Variants in PHACTR1 observed in about 807,000 individuals in gnomAD.
The protein encoded by PHACTR1 is phosphatase and actin regulator 1.
PHACTR1 carries 16 observed loss-of-function variants against 69.2 expected under a neutral mutation model. The observed-to-expected ratio is 0.23, with a 90% CI of 0.16 to 0.35. The LOEUF is 0.35. Among genes scored for constraint, PHACTR1 ranks in the 10% least tolerant of loss-of-function variants. The probability of loss-of-function intolerance (pLI) is 1.00; values close to 1 mark genes in which losing one functional copy is unlikely to be tolerated. For synonymous variants in PHACTR1, 312 were observed against 284.5 expected (o/e 1.10, Z -0.97); for missense variants, 510 against 734.7 (o/e 0.69, Z 3.54).
intron 8 of PHACTR1, among the ~76,000 whole-genome samples, chr6:13,219,937 C>T (rs1036156813): frequency 5.9e-5 from 9 of 152,252 alleles, no homozygotes; most frequent in African/African-American, 9.6e-5. Context: ...GGTGGGAAGA[C>T]CTGAGTTCAC....
chr6:12,774,431 G>C (rs1008234018), intron 4 of PHACTR1, among the ~76,000 whole-genome samples: 4 of 152,042 alleles, frequency 2.6e-5, no homozygotes, highest in Non-Finnish European at 5.9e-5. Flanking sequence ...CGCCCTTGTT[G>C]CCCAGGCTGG....
intron 14 of PHACTR1, 47 bp downstream of exon 14, chr6:13,286,269 A>G (rs1164847649): frequency 6.2e-6 from 9 of 1,448,348 alleles, no homozygotes; most frequent in South Asian, 2.6e-5. Context: ...TCAAGTTGCA[A>G]TATTTATCTC....
chr6:12,792,391 G>A (rs1447318125), intron 4 of PHACTR1, among the ~76,000 whole-genome samples: 1 of 149,176 alleles, frequency 6.7e-6, no homozygotes, highest in Non-Finnish European at 1.5e-5. Context: ...TTGAACCCGG[G>A]AGGCGGAGGT....
intron 7 of PHACTR1, among the ~76,000 whole-genome samples, chr6:13,189,991 G>A (rs1004459138): frequency 1.3e-5 from 2 of 150,538 alleles, no homozygotes; most frequent in African/African-American, 4.9e-5. Flanking sequence ...ACATAACAGG[G>A]AGAGAGAAAG....
chr6:12,820,714 T>A (rs1776108589), intron 4 of PHACTR1, among the ~76,000 whole-genome samples: 1 of 152,130 alleles, frequency 6.6e-6, no homozygotes, highest in Admixed American at 6.5e-5. Flanking sequence ...TAATTGGAAA[T>A]CAAAGCATGA....
intron 4 of PHACTR1, among the ~76,000 whole-genome samples, chr6:12,996,603 A>G (rs1356236697): frequency 3.3e-5 from 5 of 152,226 alleles, no homozygotes; most frequent in Non-Finnish European, 7.3e-5. Context: ...ACATTTAAGA[A>G]GGGTTACTCT....
At chr6:12,909,932 C>T (rs1786191752) in intron 4 of PHACTR1, among the ~76,000 whole-genome samples, 1 of 152,256 alleles carries the variant, frequency 6.6e-6, no homozygotes, top group Non-Finnish European at 1.5e-5. Context: ...CTCTCCAAGC[C>T]CCACATTCGA....
At chr6:12,822,338 C>T (rs1776317763) in intron 4 of PHACTR1, among the ~76,000 whole-genome samples, 1 of 152,176 alleles carries the variant, frequency 6.6e-6, no homozygotes, top group African/African-American at 2.4e-5. Flanking sequence ...TGACAACGGA[C>T]TTCTAAGAAC....
intron 4 of PHACTR1, among the ~76,000 whole-genome samples, chr6:13,000,489 A>G (rs1797938203): frequency 6.6e-6 from 1 of 152,096 alleles, no homozygotes; most frequent in African/African-American, 2.4e-5. Context: ...TCCAGGCTGC[A>G]GTGAGACATG....
chr6:12,717,827 T>C (rs991206767), intron 2 of PHACTR1, 84 bp downstream of exon 2: 6 of 152,198 alleles, frequency 3.9e-5, no homozygotes, highest in African/African-American at 1.2e-4. Flanking sequence ...TTAAAATACA[T>C]ACTGTTAGAA....
At chr6:12,749,868 C>G in intron 4 of PHACTR1, 78 bp downstream of exon 4, 1 of 1,346,816 alleles carries the variant, frequency 7.4e-7, no homozygotes, top group Non-Finnish European at 9.8e-7. Flanking sequence ...CCGCCCCTCC[C>G]GGGCGTCCTC....
At chr6:12,823,915 AT>A (rs1332574202) in intron 4 of PHACTR1, among the ~76,000 whole-genome samples, 29 of 152,064 alleles carry the variant, frequency 1.9e-4, no homozygotes, top group Non-Finnish European at 8.8e-5. Flanking sequence ...CCTGAATTAT[AT>A]TTTTCCTTCC....
intron 5 of PHACTR1, among the ~76,000 whole-genome samples, chr6:13,136,355 G>A (rs1257045121): frequency 2.0e-5 from 3 of 152,168 alleles, no homozygotes; most frequent in African/African-American, 7.2e-5. Flanking sequence ...AACTCTGCTG[G>A]TTTTAGACTT....
intron 4 of PHACTR1, among the ~76,000 whole-genome samples, chr6:13,028,350 A>G (rs1051247627): frequency 2.6e-5 from 4 of 152,262 alleles, no homozygotes; most frequent in African/African-American, 4.8e-5. Flanking sequence ...ATAGTAATTG[A>G]GAAGAAATGT....
intron 4 of PHACTR1, among the ~76,000 whole-genome samples, chr6:12,847,392 C>T (rs1342011203): frequency 1.3e-5 from 2 of 152,050 alleles, no homozygotes; most frequent in African/African-American, 4.8e-5. Flanking sequence ...AGTCAAAAAC[C>T]AAGAAACAAA....
rs890144098 is a variant in PHACTR1, at chr6:13,003,963, A to ATATATATATATATATATG, written c.251-49401_251-49400insATATATATATATATATGT. Reference sequence around the variant, plus strand: ...CTCAGTAGTATTCCTATATATATATATGTATATATATATATACACATATAT... The same window carrying ATATATATATATATATATG: ...CTCAGTAGTATTCCTATATATATATATATATATATATATATATGTGTATATATATATATACACATATAT... On this transcript the variant is annotated intron_variant, in intron 4 of 14. Coordinates refer to ENST00000332995, the MANE Select transcript of PHACTR1 (RefSeq NM_030948.6). 2.0e-4 allele frequency among the ~76,000 whole-genome samples: 18 copies of ATATATATATATATATATG among 90,254 alleles called. No homozygotes were observed. The South Asian group carries it at 6.8e-3, about 34-fold the overall frequency. 59.2% of individuals were successfully genotyped at this position (90,254 alleles called of 152,430 possible).
chr6:12,836,710 C>A (rs1408565421), intron 4 of PHACTR1, among the ~76,000 whole-genome samples: 3 of 152,144 alleles, frequency 2.0e-5, no homozygotes, highest in African/African-American at 7.2e-5. Context: ...TTGTTTGGTG[C>A]CTGTTGTCCT....
chr6:12,963,611 G>A (rs925966425), intron 4 of PHACTR1, among the ~76,000 whole-genome samples: 4 of 151,948 alleles, frequency 2.6e-5, no homozygotes, highest in African/African-American at 7.3e-5. Context: ...TTCCCTGGGA[G>A]TTATGATCCG....
At chr6:13,006,604 C>G (rs574273365) in intron 4 of PHACTR1, among the ~76,000 whole-genome samples, 2 of 151,874 alleles carry the variant, frequency 1.3e-5, no homozygotes, top group East Asian at 3.9e-4. Context: ...ATATACACAA[C>G]TTATATTAAA....
Sources: allele counts gnomAD v4.1 joint callset (sites outside exome capture counted in the v4.1 genomes callset), GRCh38; gene constraint gnomAD v4.1.1; transcripts MANE v1.5; gene names NCBI Gene and HGNC (gene_info 2026-07-23, HGNC 2026-07-21).